Variants in RNF19A observed in about 807,000 individuals in gnomAD.
RNF19A encodes the protein ring finger protein 19A, RBR E3 ubiquitin protein ligase, also known as E3 ubiquitin-protein ligase RNF19A.
A neutral mutation model predicts 75.7 loss-of-function variants in RNF19A; 32 were observed. That is an observed-to-expected ratio of 0.42 (90% CI 0.32 to 0.57). The LOEUF (loss-of-function observed/expected upper bound fraction) is 0.57, where lower values mean the gene tolerates loss of function less well. RNF19A is among the 20% of genes least tolerant of loss of function. RNF19A has a pLI of 0.10. For missense variants in RNF19A, 782 were observed against 1,036.3 expected (o/e 0.75, Z 3.37); for synonymous variants, 335 against 345.2 (o/e 0.97, Z 0.33).
Position 100,288,010 on chromosome 8 carries a change from T to A in RNF19A, c.165A>T (p.Ser55=), listed in dbSNP as rs746533244. The A allele has an allele frequency of 6.2e-7, 1 of 1,614,222 alleles. No individual in the cohort carries two copies. The highest frequency in any genetic ancestry group is 8.5e-7 in the Non-Finnish European group (1 of 1,180,038). ...TTCTTTTTTTGGGTGCCTTTTTGAC[T>A]GAAGGCAAGCTCACAGATGAAGCAG... The part of the protein sequence containing the change: ...QSSASSVSLP[S]VKKAPKKRRI... The change falls in exon 2 of 10, where the codon TCA becomes TCT. Residue 55 remains serine (S), a synonymous_variant. Transcript: ENST00000341084.
Position 100,325,028 on chromosome 8 carries a change from T to C in RNF19A, c.-243+11080A>G, listed in dbSNP as rs1822514268. Among the ~76,000 whole-genome samples the C allele has an allele frequency of 6.6e-6, 1 of 152,072 alleles. No homozygotes were observed. Among genetic ancestry groups the C allele is most frequent in the Non-Finnish European group, 1.5e-5 (1 of 68,024 alleles). ...TTCAACCCATTCTCCTGCCTCAGCC[T>C]CTCGAGTAGCTGGAATTACAGGTGC... On this transcript the variant is annotated intron_variant, in intron 1 of 3. Transcript: ENST00000519527. This position sits in a 1 kb window ranked among gnomAD's most constrained non-coding sequence, Gnocchi z 4.3.
chr8:100,304,933 ATCCT>A (rs1397821683), intron 1 of RNF19A, among the ~76,000 whole-genome samples: 2 of 152,162 alleles, frequency 1.3e-5, no homozygotes, highest in Non-Finnish European at 2.9e-5. Context: ...GATGATGAAT[ATCCT>A]TCCTTATTTT....
upstream of RNF19A, among the ~76,000 whole-genome samples, chr8:100,314,729 T>C (rs1363583236): frequency 6.6e-6 from 1 of 152,204 alleles, no homozygotes; most frequent in African/African-American, 2.4e-5. The surrounding 1 kb of genome is among the most constrained non-coding windows in gnomAD (Gnocchi z 4.1). Flanking sequence ...TCACTGGTCC[T>C]GACAGGCTAA....
At chr8:100,272,173 A>C (rs1820287157) in intron 3 of RNF19A, among the ~76,000 whole-genome samples, 1 of 152,154 alleles carries the variant, frequency 6.6e-6, no homozygotes, top group East Asian at 1.9e-4. Context: ...AAAAATGAAA[A>C]ATATGTGGTT....
At chr8:100,290,923 T>C (rs542627440) in intron 1 of RNF19A, among the ~76,000 whole-genome samples, 1 of 152,310 alleles carries the variant, frequency 6.6e-6, no homozygotes, top group East Asian at 1.9e-4. Context: ...TCCGATATCC[T>C]GCCAGTGCCT....
intron 1 of RNF19A, among the ~76,000 whole-genome samples, chr8:100,293,805 G>A (rs994047298): frequency 1.3e-5 from 2 of 151,644 alleles, no homozygotes; most frequent in Admixed American, 6.6e-5. Flanking sequence ...TTTTTTCTTC[G>A]TTCAGTAGAC....
intron 1 of RNF19A, chr8:100,309,356 T>C (rs1406161619): frequency 8.1e-6 from 8 of 985,820 alleles, no homozygotes; most frequent in South Asian, 4.7e-5. Flanking sequence ...TGCGGGGCGA[T>C]GTCCCGGCTC....
rs1284952349 is a variant in RNF19A at position 100,325,538 on chromosome 8, A to G, written c.-243+10570T>C. On this transcript the variant is annotated intron_variant, in intron 1 of 3. Transcript: ENST00000519527. This position sits in a 1 kb window ranked among gnomAD's most constrained non-coding sequence, Gnocchi z 4.3. ...AGACGTTTCAACTTTATATGTACCC[A>G]GGAATTTGGATCTAGTTCTCTGCCC... Among the ~76,000 whole-genome samples the G allele has an allele frequency of 6.6e-6, 1 of 152,088 alleles. No individual in the cohort carries two copies. Among genetic ancestry groups the G allele is most frequent in the Non-Finnish European group, 1.5e-5 (1 of 68,030 alleles).
Position 100,259,419 on chromosome 8 carries a change from A to G in RNF19A, c.1827-173T>C, listed in dbSNP as rs1819608224. The stretch of plus-strand genomic sequence containing the variant: ...ACTTGATATAACAGAACTCTTTATA[A>G]TGCTTCAATGTTTTAAAATAGTGGT... On this transcript the variant is annotated intron_variant, in intron 9 of 9. Transcript: ENST00000341084. This position sits in a 1 kb window ranked among gnomAD's most constrained non-coding sequence, Gnocchi z 4.5. 4 of 605,476 alleles carry G rather than the reference A, an allele frequency of 6.6e-6. No individual in the cohort carries two copies. Among genetic ancestry groups the G allele is most frequent in the Non-Finnish European group, 8.7e-6 (3 of 346,250 alleles). 37.5% of individuals were successfully genotyped at this position (605,476 alleles called of 1,614,324 possible).
At chr8:100,268,607 A>G in intron 5 of RNF19A, 178 bp downstream of exon 5, 1 of 406,054 alleles carries the variant, frequency 2.5e-6, no homozygotes, top group Non-Finnish European at 4.3e-6. Flanking sequence ...GTATTTATAT[A>G]TGCTTGCCAA....
intron 2 of RNF19A, among the ~76,000 whole-genome samples, chr8:100,276,738 A>AG (rs1486219733): frequency 2.7e-3 from 412 of 150,064 alleles, no homozygotes; most frequent in Middle Eastern, 0.01. Flanking sequence ...AAAAAAAAAA[A>AG]AAAAAGAAAA....
rs192449739 is a variant in RNF19A at position 100,315,672 on chromosome 8, G to A, written c.-242-2300C>T. On this transcript the variant is annotated intron_variant, in intron 1 of 3. Coordinates refer to the RNF19A transcript ENST00000519527. The stretch of plus-strand genomic sequence containing the variant: ...GTCTTGTTGTTGTTGTTGTTGTTGA[G>A]ACAAGGTCTCACTCTGTTGTCCAGG... Among the ~76,000 whole-genome samples the A allele has an allele frequency of 1.3e-4, 19 of 151,882 alleles. No homozygotes were observed. In the East Asian group the frequency reaches 2.1e-3, roughly 17 times the overall value.
chr8:100,268,610 C>A, intron 5 of RNF19A, 175 bp downstream of exon 5: 1 of 404,552 alleles, frequency 2.5e-6, no homozygotes, highest in Non-Finnish European at 4.3e-6. Flanking sequence ...TTTATATATG[C>A]TTGCCAAACA....
rs186641104 is a variant in RNF19A at position 100,331,661 on chromosome 8, C to T, written c.-243+4447G>A. On this transcript the variant is annotated intron_variant, in intron 1 of 3. Transcript: ENST00000519527. This position sits in a 1 kb window ranked among gnomAD's most constrained non-coding sequence, Gnocchi z 5.2. ...CAAAACAAAACAAAAACCAGATATACGGCGCAAAATTTGAAAGGAATAAAA... is the reference window on the plus strand; with the variant it reads ...CAAAACAAAACAAAAACCAGATATATGGCGCAAAATTTGAAAGGAATAAAA... 1.3e-3 allele frequency among the ~76,000 whole-genome samples: 199 copies of T among 152,068 alleles called. 2 individuals are homozygous for T. The highest frequency in any genetic ancestry group is 4.5e-3 in the African/African-American group (187 of 41,502).
chr8:100,286,611 T>C (rs546287444), intron 2 of RNF19A, among the ~76,000 whole-genome samples: 25 of 152,306 alleles, frequency 1.6e-4, no homozygotes, highest in African/African-American at 5.3e-4. Flanking sequence ...AACTTTTAAA[T>C]AGTGGATTTG....
chr8:100,273,957 A>AT (rs986935563), intron 3 of RNF19A, among the ~76,000 whole-genome samples: 8 of 151,602 alleles, frequency 5.3e-5, no homozygotes, highest in African/African-American at 1.9e-4. Context: ...TAATTTTTGT[A>AT]TTTTTTTAGT....
rs1419956711 is a variant in RNF19A, at chr8:100,264,298, C to T, written c.1307-103G>A. 2.5e-5 allele frequency: 25 copies of T among 1,008,916 alleles called. No homozygotes were observed. The highest frequency in any genetic ancestry group is 3.4e-5 in the Non-Finnish European group (24 of 707,268). The allele number at this position is 1,008,916 out of a possible 1,614,324, so 62.5% of individuals were successfully genotyped here. ...TTCAAGAGAGTCATACAGAGAAAAG[C>T]GCCAGGGTTCTGAAGAGTTGGCTGG... On this transcript the variant is annotated intron_variant, in intron 6 of 9. Transcript: ENST00000341084. The surrounding 1 kb of genome is among the most constrained non-coding windows in gnomAD (Gnocchi z 4.7).
At chr8:100,300,989 C>T (rs1821798524) in intron 1 of RNF19A, among the ~76,000 whole-genome samples, 1 of 152,226 alleles carries the variant, frequency 6.6e-6, no homozygotes, top group South Asian at 2.1e-4. Context: ...GGCTGTGAAA[C>T]CTATCCTTCT....
chr8:100,293,108 A>T (rs1361381647), intron 1 of RNF19A, among the ~76,000 whole-genome samples: 1 of 152,152 alleles, frequency 6.6e-6, no homozygotes, highest in African/African-American at 2.4e-5. Flanking sequence ...ATCTGACAGG[A>T]GGTGGAGCTC....
Sources: allele counts gnomAD v4.1 joint callset (sites outside exome capture counted in the v4.1 genomes callset), GRCh38; gene constraint gnomAD v4.1.1; non-coding constraint Gnocchi (gnomAD v3.1); transcripts MANE v1.5; gene names NCBI Gene and HGNC (gene_info 2026-07-23, HGNC 2026-07-21).